Variants in ABI3BP observed in about 807,000 individuals in gnomAD.
ABI3BP encodes the protein ABI family member 3 binding protein, also known as target of Nesh-SH3.
In ABI3BP, 216 loss-of-function variants were observed where a neutral mutation model predicts 268.6. The ratio of observed to expected loss-of-function variants is 0.80; its 90% confidence interval spans 0.72 to 0.90. ABI3BP has a LOEUF of 0.90. ABI3BP is among the 40% of genes least tolerant of loss of function. The pLI is 0.00. For synonymous variants in ABI3BP, 730 were observed against 730.0 expected, an observed-to-expected ratio of 1.00 and a Z score of 0.00; for missense variants, 2,090 against 2,182.4, an observed-to-expected ratio of 0.96 and a Z score of 0.84.
chr3:100,784,692 ACT>A, intron 57 of ABI3BP, among the ~76,000 whole-genome samples: 1 of 152,268 alleles, frequency 6.6e-6, no homozygotes, highest in Non-Finnish European at 1.5e-5. Flanking sequence ...ATGGAATACT[ACT>A]CAGTGATAAA....
intron 54 of ABI3BP, among the ~76,000 whole-genome samples, chr3:100,793,623 A>G (rs1025945287): frequency 3.3e-5 from 5 of 152,032 alleles, no homozygotes; most frequent in African/African-American, 7.2e-5. Flanking sequence ...GAAATAAGCT[A>G]GATTAGATGA....
In ABI3BP at chr3:100,756,584, A is replaced by G. The variant is rs922734785; in HGVS notation, c.4851-1893T>C. ...GAACTACAGTGAACTGAAAATGGAA[A>G]AAAAGAAATCATAGCCATCTGGACT... On this transcript the variant is annotated intron_variant, in intron 63 of 67. Coordinates refer to ENST00000471714, the MANE Select transcript of ABI3BP (RefSeq NM_001375547.2). Among the ~76,000 whole-genome samples, 27 of 152,228 alleles carry G rather than the reference A, an allele frequency of 1.8e-4. 1 individual carries two copies. Among genetic ancestry groups the G allele is most frequent in the Non-Finnish European group, 4.0e-4 (27 of 68,040 alleles).
intron 6 of ABI3BP, among the ~76,000 whole-genome samples, chr3:100,884,702 C>A (rs991539322): frequency 6.6e-6 from 1 of 151,894 alleles, no homozygotes; most frequent in Non-Finnish European, 1.5e-5. Context: ...AGTCTTTGCA[C>A]GTTCATTTGA....
chr3:100,862,831 T>C lies in ABI3BP; in HGVS notation c.1210+7A>G. ...CCTTAATATTAAATTTAAGGTACTCTTATTACCCAATGTGCCCCTAGGTTT... is the reference window on the plus strand; with the variant it reads ...CCTTAATATTAAATTTAAGGTACTCCTATTACCCAATGTGCCCCTAGGTTT... On this transcript the variant is annotated splice_region_variant and intron_variant, in intron 13 of 67. Coordinates refer to ENST00000471714, the MANE Select transcript of ABI3BP (RefSeq NM_001375547.2). 1.3e-6 allele frequency: 2 copies of C among 1,529,042 alleles called. No individual in the cohort carries two copies. Among genetic ancestry groups the C allele is most frequent in the Non-Finnish European group, 1.8e-6 (2 of 1,140,936 alleles). 94.7% of individuals were successfully genotyped at this position (1,529,042 alleles called of 1,614,324 possible). A position where few individuals can be genotyped will look rare whatever the true frequency, so the allele number is the denominator to read the frequency against.
chr3:100,849,586 A>G (rs780165089), intron 17 of ABI3BP, among the ~76,000 whole-genome samples: 1 of 152,024 alleles, frequency 6.6e-6, no homozygotes, highest in Non-Finnish European at 1.5e-5. Context: ...TCGCTATTTC[A>G]ATAATTTTCT....
intron 1 of ABI3BP, among the ~76,000 whole-genome samples, chr3:100,958,812 T>C (rs2077747683): frequency 6.6e-6 from 1 of 152,230 alleles, no homozygotes; most frequent in African/African-American, 2.4e-5. Context: ...ATGTAGACTA[T>C]CATTCGAATA....
chr3:100,839,449 G>C, intron 24 of ABI3BP, 120 bp downstream of exon 24: 5 of 1,095,258 alleles, frequency 4.6e-6, no homozygotes, highest in Non-Finnish European at 5.3e-6. Context: ...GAAAGGTGAG[G>C]AAAAGCGTGG....
chr3:100,756,427 ATTG>A (rs1460103382), intron 63 of ABI3BP, among the ~76,000 whole-genome samples: 1 of 152,216 alleles, frequency 6.6e-6, no homozygotes, highest in East Asian at 1.9e-4. Context: ...GCAATGAGAG[ATTG>A]TTGATACAAA....
At chr3:100,943,336 A>G in intron 1 of ABI3BP, among the ~76,000 whole-genome samples, 1 of 152,002 alleles carries the variant, frequency 6.6e-6, no homozygotes, top group East Asian at 1.9e-4. Flanking sequence ...GAATTTCAGT[A>G]CTCTTCACCC....
chr3:100,814,068 A>G (rs992198450), intron 44 of ABI3BP, among the ~76,000 whole-genome samples: 3 of 152,150 alleles, frequency 2.0e-5, no homozygotes, highest in African/African-American at 7.2e-5. Context: ...GGGCATATTC[A>G]TGAATCAGCT....
intron 43 of ABI3BP, 159 bp from the exon 44 acceptor site, chr3:100,816,130 AC>A (rs2098034876): frequency 3.6e-6 from 2 of 554,110 alleles, no homozygotes; most frequent in South Asian, 5.4e-5. Flanking sequence ...ATTTGGCCAC[AC>A]TAGCTAGAAC....
At chr3:100,872,837 G>C (rs1483452634) in intron 9 of ABI3BP, among the ~76,000 whole-genome samples, 2 of 152,128 alleles carry the variant, frequency 1.3e-5, no homozygotes, top group East Asian at 1.9e-4. Flanking sequence ...ATGAAGTCCA[G>C]AGTCACTTGA....
In ABI3BP at chr3:100,749,564, A is replaced by AGTT. The variant is rs71719432; in HGVS notation, c.*928_*930dup. 11 of 286,672 alleles carry AGTT rather than the reference A, an allele frequency of 3.8e-5. No individual in the cohort carries two copies. Among genetic ancestry groups the AGTT allele is most frequent in the Admixed American group, 2.9e-4 (3 of 10,440 alleles). 17.8% of individuals were successfully genotyped at this position (286,672 alleles called of 1,614,324 possible). ...ATTTTTATTACAGATTGAATTAAACAGTTACAAAGACATTCTCTGATACAT... is the reference window on the plus strand; with the variant it reads ...ATTTTTATTACAGATTGAATTAAACAGTTGTTACAAAGACATTCTCTGATACAT... On this transcript the variant is annotated 3_prime_UTR_variant, in exon 68 of 68. Transcript: ENST00000471714.
chr3:100,824,744 G>A (rs563046603), intron 36 of ABI3BP, 114 bp downstream of exon 36: 7 of 809,810 alleles, frequency 8.6e-6, no homozygotes, highest in South Asian at 6.0e-5. Context: ...GATGCCTTAT[G>A]CCCTCGTGCT....
Position 100,862,321 on chromosome 3 carries a change from C to G in ABI3BP, c.1275G>C (p.Gln425His). ...AKISEDSKVL[Q>H]PQTATYDVFS... ...AAAGGATTTAATTACCAGTTTGAGGCTGCAGAACTTTGGAATCTTCAGATA... is the reference window on the plus strand; with the variant it reads ...AAAGGATTTAATTACCAGTTTGAGGGTGCAGAACTTTGGAATCTTCAGATA... Residue 425 changes from glutamine to histidine, a missense_variant, in exon 14 of 68, where the codon CAG (glutamine) becomes CAC (histidine). Coordinates refer to ENST00000471714, the MANE Select transcript of ABI3BP (RefSeq NM_001375547.2). 2 of 1,600,642 alleles carry G rather than the reference C, an allele frequency of 1.2e-6. No homozygotes were observed. The highest frequency in any genetic ancestry group is 1.7e-6 in the Non-Finnish European group (2 of 1,173,696).
At chr3:100,967,503 CAAAAA>C (rs5851238) in intron 1 of ABI3BP, among the ~76,000 whole-genome samples, 5 of 114,068 alleles carry the variant, frequency 4.4e-5, no homozygotes, top group African/African-American at 3.3e-5. Flanking sequence ...GACTCCATCT[CAAAAA>C]AAAAAAAAAA....
At chr3:100,836,218 G>A (rs1205937482) in intron 27 of ABI3BP, among the ~76,000 whole-genome samples, 1 of 152,104 alleles carries the variant, frequency 6.6e-6, no homozygotes, top group South Asian at 2.1e-4. Context: ...GTAGAAAACA[G>A]AGATAATTAA....
At chr3:100,805,260 G>A (rs1435797400) in intron 50 of ABI3BP, among the ~76,000 whole-genome samples, 2 of 152,042 alleles carry the variant, frequency 1.3e-5, no homozygotes, top group Non-Finnish European at 2.9e-5. Flanking sequence ...GGTAAAGACG[G>A]TGAGGTCAGG....
intron 58 of ABI3BP, among the ~76,000 whole-genome samples, chr3:100,779,194 G>A (rs182696604): frequency 1.3e-5 from 2 of 152,340 alleles, no homozygotes; most frequent in East Asian, 3.9e-4. Flanking sequence ...AGGTAACCCT[G>A]ATAGCTGAAA....
Sources: allele counts gnomAD v4.1 joint callset (sites outside exome capture counted in the v4.1 genomes callset), GRCh38; gene constraint gnomAD v4.1.1; transcripts MANE v1.5; gene names NCBI Gene and HGNC (gene_info 2026-07-23, HGNC 2026-07-21).